The following CALD1 variants were observed in gnomAD, a reference collection of about 807,000 sequenced individuals.
The protein encoded by CALD1 is caldesmon 1.
CALD1 carries 33 observed loss-of-function variants against 99.9 expected under a neutral mutation model. The observed-to-expected ratio is 0.33, with a 90% CI of 0.25 to 0.44. The LOEUF (loss-of-function observed/expected upper bound fraction) is 0.44. CALD1 is among the 20% of genes least tolerant of loss of function. The pLI is 1.00. For missense variants in CALD1, 861 were observed against 962.1 expected (o/e 0.89, Z 1.39); for synonymous variants, 310 against 325.0 (o/e 0.95, Z 0.50).
intron 7 of CALD1, among the ~76,000 whole-genome samples, chr7:134,945,861 G>T (rs938470809): frequency 6.6e-6 from 1 of 152,218 alleles, no homozygotes; most frequent in African/African-American, 2.4e-5. Flanking sequence ...ACTGTGTTTA[G>T]CTCTTAATCA....
At position 134,907,711 on chromosome 7, in the gene CALD1, A is replaced by G. The variant is rs1385796994; in HGVS notation, c.72-21043A>G. On this transcript the variant is annotated intron_variant, in intron 3 of 14. Transcript: ENST00000361675. The stretch of plus-strand genomic sequence containing the variant: ...AAACCATAATTGTGGCCTACCCCAA[A>G]TGGATTCTCCTCCCTACAGTGAGGA... 2.0e-5 allele frequency among the ~76,000 whole-genome samples: 3 copies of G among 152,144 alleles called. No individual in the cohort carries two copies. In the South Asian group the frequency reaches 6.2e-4, roughly 32 times the overall value.
intron 3 of CALD1, among the ~76,000 whole-genome samples, chr7:134,905,259 A>C (rs1189938165): frequency 6.6e-6 from 1 of 152,114 alleles, no homozygotes. Flanking sequence ...ATGATGATAA[A>C]ATTTTAAAAA....
At chr7:134,874,909 C>G (rs1703139076) in intron 3 of CALD1, among the ~76,000 whole-genome samples, 1 of 152,114 alleles carries the variant, frequency 6.6e-6, no homozygotes, top group South Asian at 2.1e-4. Context: ...ATAGAAACAG[C>G]CAATGAATGA....
At chr7:134,764,475 C>G (rs2131606057) in intron 1 of CALD1, among the ~76,000 whole-genome samples, 1 of 152,252 alleles carries the variant, frequency 6.6e-6, no homozygotes, top group African/African-American at 2.4e-5. Context: ...ACCACAATGG[C>G]ATTAGGGCTT....
intron 1 of CALD1, among the ~76,000 whole-genome samples, chr7:134,782,972 A>G (rs1797165925): frequency 6.6e-6 from 1 of 152,212 alleles, no homozygotes; most frequent in East Asian, 1.9e-4. Flanking sequence ...GTGGAATAAG[A>G]TGGGCCATCA....
At chr7:134,765,757 C>T (rs905774915) in intron 1 of CALD1, among the ~76,000 whole-genome samples, 5 of 152,100 alleles carry the variant, frequency 3.3e-5, no homozygotes, top group African/African-American at 1.2e-4. Context: ...TGGTGCTGCC[C>T]TCAAAGGTGA....
At chr7:134,936,437 A>G (rs371889709) in intron 6 of CALD1, among the ~76,000 whole-genome samples, 2 of 152,196 alleles carry the variant, frequency 1.3e-5, no homozygotes. Flanking sequence ...TTCAACTCTC[A>G]TGCTGTGTTT....
At chr7:134,964,448 GCGAGAGTGAGC>G (rs1319679993) in intron 13 of CALD1, among the ~76,000 whole-genome samples, 1 of 152,150 alleles carries the variant, frequency 6.6e-6, no homozygotes, top group Non-Finnish European at 1.5e-5. Flanking sequence ...CCAAGCTGAG[GCGAGAGTGAGC>G]CTGAAAATAA....
At chr7:134,826,052 TA>T (rs949916176) in intron 1 of CALD1, among the ~76,000 whole-genome samples, 1 of 151,758 alleles carries the variant, frequency 6.6e-6, no homozygotes, top group Admixed American at 6.6e-5. Context: ...ACTGTTTATA[TA>T]AAAAAAACTT....
At chr7:134,780,137 C>T (rs1389518599) in intron 1 of CALD1, among the ~76,000 whole-genome samples, 1 of 152,174 alleles carries the variant, frequency 6.6e-6, no homozygotes, top group Non-Finnish European at 1.5e-5. Flanking sequence ...TCTTTTATTG[C>T]CAAAGATTTG....
At chr7:134,942,018 G>C (rs1054881735) in intron 7 of CALD1, among the ~76,000 whole-genome samples, 4 of 152,168 alleles carry the variant, frequency 2.6e-5, no homozygotes, top group African/African-American at 9.7e-5. Flanking sequence ...AACTTGAGGT[G>C]CAGACACTGG....
chr7:134,787,528 T>C (rs1191866625), intron 1 of CALD1, among the ~76,000 whole-genome samples: 1 of 152,158 alleles, frequency 6.6e-6, no homozygotes, highest in Non-Finnish European at 1.5e-5. Flanking sequence ...TTCCTCCACC[T>C]CCACCCTCAC....
intron 3 of CALD1, chr7:134,920,754 C>T (rs765502832): frequency 1.6e-4 from 160 of 1,005,496 alleles, no homozygotes; most frequent in Non-Finnish European, 3.3e-5. Context: ...TGGTGAACTT[C>T]AATAGCATTC....
At chr7:134,960,761 A>T (rs1808204527) in intron 13 of CALD1, 133 bp downstream of exon 13, 2 of 619,568 alleles carry the variant, frequency 3.2e-6, no homozygotes, top group African/African-American at 1.9e-5. Context: ...AATAGCAAAC[A>T]GGAAAGTGTT....
chr7:134,879,980 A>C (rs1801522970), intron 3 of CALD1, among the ~76,000 whole-genome samples: 2 of 152,182 alleles, frequency 1.3e-5, no homozygotes, highest in South Asian at 4.1e-4. Context: ...GAGTCTCCAG[A>C]GTGTATTTTA....
the CALD1 span, among the ~76,000 whole-genome samples, chr7:134,731,681 A>G: frequency 6.7e-6 from 1 of 150,226 alleles, no homozygotes; most frequent in Non-Finnish European, 1.5e-5. Context: ...CTCCAAATAT[A>G]AGTTTTTTCT....
intron 1 of CALD1, among the ~76,000 whole-genome samples, chr7:134,755,548 G>A (rs909034553): frequency 1.3e-5 from 2 of 152,088 alleles, no homozygotes; most frequent in Non-Finnish European, 2.9e-5. Flanking sequence ...ATTGATATAG[G>A]AGTGATTTAT....
chr7:134,725,406 T>C, the CALD1 span, among the ~76,000 whole-genome samples: 1 of 152,228 alleles, frequency 6.6e-6, no homozygotes, highest in Non-Finnish European at 1.5e-5. Flanking sequence ...TGTTTTATAA[T>C]TTGTATGCAT....
intron 2 of CALD1, among the ~76,000 whole-genome samples, chr7:134,856,382 G>A (rs1044752406): frequency 1.3e-5 from 2 of 152,156 alleles, no homozygotes; most frequent in African/African-American, 4.8e-5. Flanking sequence ...GGGTAGCCAC[G>A]CGAGGCCTGG....
Sources: allele counts gnomAD v4.1 joint callset (sites outside exome capture counted in the v4.1 genomes callset), GRCh38; gene constraint gnomAD v4.1.1; transcripts MANE v1.5; gene names NCBI Gene and HGNC (gene_info 2026-07-23, HGNC 2026-07-21).